The following NUP133 variants were observed in gnomAD, a reference collection of about 807,000 sequenced individuals.
The protein encoded by NUP133 is nucleoporin 133.
NUP133 carries 66 observed loss-of-function variants against 146.2 expected under a neutral mutation model. The observed-to-expected ratio is 0.45, with a 90% confidence interval of 0.37 to 0.55. NUP133 has a LOEUF of 0.55. Ranked by LOEUF, NUP133 falls within the 20% of genes least tolerant of loss-of-function variation. The pLI is 0.00. For synonymous variants in NUP133, 521 were observed against 498.8 expected, an observed-to-expected ratio of 1.04 and a Z score of -0.59; for missense variants, 1,277 against 1,374.8, an observed-to-expected ratio of 0.93 and a Z score of 1.12.
chr1:229,492,147 C>T (rs985296112), intron 8 of NUP133, among the ~76,000 whole-genome samples: 2 of 150,434 alleles, frequency 1.3e-5, no homozygotes, highest in Admixed American at 6.6e-5. Flanking sequence ...ACTCTTGTTG[C>T]CCAGGCTGCA....
rs1346134261 is a variant in NUP133, at chr1:229,508,240, C to T, written c.10G>A (p.Ala4Thr). The change falls in exon 1 of 26, where the codon GCC (alanine) becomes ACC (threonine). Residue 4 changes from alanine (A) to threonine (T), a missense_variant. Physicochemically the swap from Ala to Thr is moderately conservative, Grantham distance 58. Coordinates refer to ENST00000261396, the MANE Select transcript of NUP133 (RefSeq NM_018230.3). MFP[A>T]APSPRTPGTG... ...CCCGGGGTCCGCGGAGAAGGGGCGG[C>T]TGGGAACATGACTCCAAGGAGCAGC... The T allele has an allele frequency of 6.5e-7, 1 of 1,531,908 alleles. No homozygotes were observed. 94.9% of individuals were successfully genotyped at this position (1,531,908 alleles called of 1,614,324 possible). A position where few individuals can be genotyped will look rare whatever the true frequency, so the allele number is the denominator to read the frequency against.
intron 21 of NUP133, among the ~76,000 whole-genome samples, chr1:229,456,972 C>T (rs1660583300): frequency 6.6e-6 from 1 of 151,748 alleles, no homozygotes; most frequent in Non-Finnish European, 1.5e-5. Context: ...GGACTACAGG[C>T]GCACACCACC....
intron 15 of NUP133, among the ~76,000 whole-genome samples, chr1:229,469,633 A>G (rs1429623199): frequency 1.3e-5 from 2 of 152,236 alleles, no homozygotes; most frequent in Admixed American, 1.3e-4. Flanking sequence ...AAGCAGTTGG[A>G]CAGGAGGCAC....
chr1:229,472,707 C>CATATACATAT (rs534357538), intron 14 of NUP133, among the ~76,000 whole-genome samples: 4 of 124,270 alleles, frequency 3.2e-5, no homozygotes, highest in African/African-American at 1.3e-4. Flanking sequence ...ACTAAATATA[C>CATATACATAT]ATATATATAT....
intron 13 of NUP133, among the ~76,000 whole-genome samples, chr1:229,476,928 C>CAAAAAAAAA (rs745478707): frequency 2.8e-5 from 2 of 72,530 alleles, no homozygotes; most frequent in African/African-American, 9.7e-5. Flanking sequence ...ACCCTGTTTC[C>CAAAAAAAAA]AAAAAAAAAA....
intron 25 of NUP133, among the ~76,000 whole-genome samples, chr1:229,444,664 T>C (rs1045364063): frequency 1.2e-4 from 18 of 151,874 alleles, no homozygotes; most frequent in African/African-American, 4.4e-4. Flanking sequence ...CTGGCCAATA[T>C]GGTGAAACCC....
rs759080960 is a variant in NUP133, at chr1:229,441,892, T to C, written c.*12A>G. 1.3e-6 allele frequency: 2 copies of C among 1,554,776 alleles called. No individual in the cohort carries two copies. The highest frequency in any genetic ancestry group is 2.4e-5 in the South Asian group (2 of 81,784). On this transcript the variant is annotated 3_prime_UTR_variant, in exon 26 of 26. Coordinates refer to ENST00000261396, the MANE Select transcript of NUP133 (RefSeq NM_018230.3). ...TACAGATTTCATAAACAATGGCCAT[T>C]TTTAGAAAAAGTTATATTTGTCCCT... is the stretch of plus-strand genomic sequence containing the variant.
At chr1:229,465,858 C>G (rs1033363034) in intron 16 of NUP133, among the ~76,000 whole-genome samples, 2 of 148,738 alleles carry the variant, frequency 1.3e-5, no homozygotes, top group African/African-American at 5.0e-5. Flanking sequence ...CCACTATAAA[C>G]CCAGCCTGGG....
At chr1:229,472,901 GCCCTGCAGATGC>G (rs1660993076) in intron 14 of NUP133, among the ~76,000 whole-genome samples, 1 of 151,730 alleles carries the variant, frequency 6.6e-6, no homozygotes, top group African/African-American at 2.4e-5. Context: ...TGAGGATATG[GCCCTGCAGATGC>G]CAAGTTTGGC....
intron 2 of NUP133, 114 bp from the exon 3 acceptor site, chr1:229,502,216 A>G (rs1034199038): frequency 1.5e-6 from 1 of 688,336 alleles, no homozygotes; most frequent in African/African-American, 1.8e-5. Flanking sequence ...CACAACAAAT[A>G]CTTTTGAATA....
chr1:229,486,565 A>G, intron 10 of NUP133, 37 bp from the exon 11 acceptor site: 2 of 1,569,778 alleles, frequency 1.3e-6, no homozygotes, highest in South Asian at 2.4e-5. Flanking sequence ...TACATCTAAC[A>G]ATAACAACAA....
chr1:229,490,625 T>C (rs1332157025), intron 8 of NUP133, among the ~76,000 whole-genome samples: 1 of 152,190 alleles, frequency 6.6e-6, no homozygotes, highest in African/African-American at 2.4e-5. Context: ...CTGTTCTGTA[T>C]TGATTGTTAC....
intron 8 of NUP133, among the ~76,000 whole-genome samples, chr1:229,492,035 C>T (rs942574196): frequency 6.6e-6 from 1 of 152,070 alleles, no homozygotes; most frequent in African/African-American, 2.4e-5. Context: ...GTCTAGCAAA[C>T]TTGTTGCTCC....
intron 23 of NUP133, among the ~76,000 whole-genome samples, chr1:229,449,873 A>ATAT (rs1261799272): frequency 1.2e-4 from 10 of 85,804 alleles, no homozygotes; most frequent in African/African-American, 3.1e-4. Flanking sequence ...ATATATATAT[A>ATAT]TTTTTTTTTT....
At chr1:229,485,733 T>C (rs1394098080) in intron 11 of NUP133, among the ~76,000 whole-genome samples, 1 of 152,102 alleles carries the variant, frequency 6.6e-6, no homozygotes, top group East Asian at 1.9e-4. Context: ...AATAAATCAC[T>C]AAAAGGCTTA....
At chr1:229,498,486 T>A (rs762724729) in intron 5 of NUP133, among the ~76,000 whole-genome samples, 180 bp from the exon 6 acceptor site, 1 of 152,190 alleles carries the variant, frequency 6.6e-6, no homozygotes, top group Non-Finnish European at 1.5e-5. Flanking sequence ...ATATTATTAA[T>A]CCTACATAGA....
chr1:229,481,166 C>T (rs1259250305), intron 12 of NUP133, among the ~76,000 whole-genome samples: 1 of 152,042 alleles, frequency 6.6e-6, no homozygotes, highest in Non-Finnish European at 1.5e-5. Context: ...CACAGCTGTG[C>T]TACAGGGCCC....
chr1:229,472,707 C>CATACATACAT (rs58951309), intron 14 of NUP133, among the ~76,000 whole-genome samples: 3,353 of 124,308 alleles, frequency 0.027, 262 homozygotes, highest in African/African-American at 0.089. Context: ...ACTAAATATA[C>CATACATACAT]ATATATATAT....
At chr1:229,488,895 G>T (rs1177012680) in intron 9 of NUP133, among the ~76,000 whole-genome samples, 1 of 152,116 alleles carries the variant, frequency 6.6e-6, no homozygotes, top group African/African-American at 2.4e-5. Context: ...TACTATGTAA[G>T]AGTAAATAAA....
Sources: gnomAD v4.1 joint callset for allele counts (sites outside exome capture counted in the v4.1 genomes callset) on GRCh38, gnomAD v4.1.1 for gene constraint, MANE v1.5 for transcripts, NCBI Gene and HGNC (gene_info 2026-07-23, HGNC 2026-07-21) for gene names.